LNPEP: variants seen among roughly 807,000 people sequenced by gnomAD.
LNPEP encodes leucyl and cystinyl aminopeptidase, also known as leucyl-cystinyl aminopeptidase.
Under a neutral mutation model 120.6 loss-of-function variants are expected in LNPEP, and 64 were observed. The observed-to-expected ratio is 0.53, with a 90% confidence interval of 0.43 to 0.65. The LOEUF (loss-of-function observed/expected upper bound fraction) is 0.65, where lower values mean the gene tolerates loss of function less well. LNPEP is among the 30% of genes least tolerant of loss of function. The pLI is 0.00. For synonymous variants in LNPEP, 435 were observed against 425.4 expected (o/e 1.02, Z -0.28); for missense variants, 1,057 against 1,200.0 (o/e 0.88, Z 1.76).
At chr5:96,956,300 T>A (rs4869317) in intron 1 of LNPEP, among the ~76,000 whole-genome samples, 34,082 of 152,210 alleles carry the variant, frequency 0.22, 4,368 homozygotes, top group Middle Eastern at 0.37. Context: ...GAGTTTTTTT[T>A]ATTAAGAAAT....
Position 96,993,998 on chromosome 5 carries a change from TCA to T in LNPEP, c.1407+31_1407+32del, listed in dbSNP as rs765373577. 8.7e-6 allele frequency: 14 copies of T among 1,606,296 alleles called. No homozygotes were observed. In the Admixed American group the frequency reaches 1.0e-4, roughly 12 times the overall value. On this transcript the variant is annotated intron_variant, in intron 6 of 17. Transcript: ENST00000231368. ...TATTAGCAACCAAGGCTGTTCTGTG[TCA>T]CACCTGTGGTCTACTTCATGTCCTG...
intron 1 of LNPEP, among the ~76,000 whole-genome samples, chr5:96,951,239 G>T (rs959939607): frequency 2.7e-5 from 4 of 149,800 alleles, no homozygotes; most frequent in Non-Finnish European, 5.9e-5. Context: ...TCACAATGGG[G>T]GTTAGTGCTT....
At position 97,036,560 on chromosome 5, in the gene LNPEP, G is replaced by A. The variant is rs922925785; in HGVS notation, c.*8027G>A. ...AAAACTCCACATTTGTCTGCATCAG[G>A]GAAAATGCATGGGCACACATCCTCC... On this transcript the variant is annotated 3_prime_UTR_variant, in exon 18 of 18. Transcript: ENST00000231368. The A allele has an allele frequency of 6.6e-6, 1 of 151,992 alleles. No individual in the cohort carries two copies. Among genetic ancestry groups the A allele is most frequent in the Non-Finnish European group, 1.5e-5 (1 of 67,982 alleles). 9.4% of individuals were successfully genotyped at this position (151,992 alleles called of 1,614,324 possible).
In LNPEP at chr5:97,026,700, C is replaced by G; in HGVS notation, c.2807C>G (p.Pro936Arg). 2 of 1,613,334 alleles carry G rather than the reference C, an allele frequency of 1.2e-6. No homozygotes were observed. The highest frequency in any genetic ancestry group is 1.7e-6 in the Non-Finnish European group (2 of 1,179,308). The change falls in exon 16 of 18, where the codon CCT becomes CGT. Residue 936 changes from proline (P) to arginine (R), a missense_variant. Pro to Arg is a moderately radical substitution (Grantham distance 103, BLOSUM62 -2). Coordinates refer to ENST00000231368, the MANE Select transcript of LNPEP (RefSeq NM_005575.3). ...ATTAGAACAGTGGGTCGACATTTTC[C>G]TGGACACTTACTGGCATGGGATTTT... ...FIIRTVGRHFPGHLLAWDFVK... is the reference protein window; with the variant it reads ...FIIRTVGRHFRGHLLAWDFVK...
chr5:96,984,495 G>T (rs1790196601), intron 2 of LNPEP, among the ~76,000 whole-genome samples: 2 of 152,078 alleles, frequency 1.3e-5, no homozygotes, highest in Admixed American at 6.6e-5. Flanking sequence ...GTTTGTGGAG[G>T]CCTGGGGAGT....
At chr5:97,019,669 C>T (rs529576139) in intron 13 of LNPEP, among the ~76,000 whole-genome samples, 1 of 152,150 alleles carries the variant, frequency 6.6e-6, no homozygotes, top group Non-Finnish European at 1.5e-5. Flanking sequence ...GCCATTCTTT[C>T]CATTGCTGCC....
At chr5:96,990,987 GA>G (rs1431653219) in intron 4 of LNPEP, among the ~76,000 whole-genome samples, 1 of 152,104 alleles carries the variant, frequency 6.6e-6, no homozygotes, top group Non-Finnish European at 1.5e-5. Context: ...GGTGATTTCT[GA>G]GATTTTGGTG....
chr5:96,950,250 ATCT>A (rs1287655674), intron 1 of LNPEP, among the ~76,000 whole-genome samples: 13 of 152,300 alleles, frequency 8.5e-5, no homozygotes, highest in Non-Finnish European at 7.4e-5. Flanking sequence ...TTCTTCTTTC[ATCT>A]TCTTATTTCA....
chr5:96,986,000 T>C (rs1790234349), intron 3 of LNPEP, among the ~76,000 whole-genome samples: 1 of 152,168 alleles, frequency 6.6e-6, no homozygotes, highest in African/African-American at 2.4e-5. Flanking sequence ...TAATTTGTGG[T>C]TGGAAAATTC....
chr5:97,037,354 T>C lies in LNPEP; in HGVS notation c.*8821T>C, dbSNP rs1222917475. On this transcript the variant is annotated 3_prime_UTR_variant, in exon 18 of 18. Transcript: ENST00000231368. The stretch of plus-strand genomic sequence containing the variant: ...AAATATGTATATATAATATTGTATA[T>C]GCAAATTGTGTTGTTTCACTTGTAA... The C allele has an allele frequency of 1.3e-5, 2 of 152,210 alleles. No individual in the cohort carries two copies. Among genetic ancestry groups the C allele is most frequent in the Non-Finnish European group, 2.9e-5 (2 of 68,028 alleles). 9.4% of individuals were successfully genotyped at this position (152,210 alleles called of 1,614,324 possible).
chr5:97,006,360 C>A lies in LNPEP; in HGVS notation c.1947-67C>A, dbSNP rs536930460. On this transcript the variant is annotated intron_variant, in intron 10 of 17. Transcript: ENST00000231368. The stretch of plus-strand genomic sequence containing the variant: ...TATCCCTTCCTAGGAATAGCTTAAC[C>A]TTCCTACCAAATTAAAAAAAAAAAA... 9.6e-6 allele frequency: 12 copies of A among 1,245,788 alleles called. No individual in the cohort carries two copies. The Admixed American group carries it at 2.3e-4, about 23-fold the overall frequency. 77.2% of individuals were successfully genotyped at this position (1,245,788 alleles called of 1,614,324 possible). A position where few individuals can be genotyped will look rare whatever the true frequency, so the allele number is the denominator to read the frequency against.
intron 1 of LNPEP, among the ~76,000 whole-genome samples, chr5:96,953,491 G>C (rs370069104): frequency 6.6e-6 from 1 of 152,108 alleles, no homozygotes; most frequent in South Asian, 2.1e-4. Context: ...CTTCTCCCAC[G>C]TTTCTCAGAA....
chr5:96,943,422 G>C (rs1174764468), intron 1 of LNPEP, among the ~76,000 whole-genome samples: 2 of 152,138 alleles, frequency 1.3e-5, no homozygotes, highest in African/African-American at 4.8e-5. Context: ...GAGTAACTGG[G>C]ACCACAGGTG....
At chr5:97,018,383 A>T (rs982082731) in intron 13 of LNPEP, among the ~76,000 whole-genome samples, 1 of 152,004 alleles carries the variant, frequency 6.6e-6, no homozygotes, top group Non-Finnish European at 1.5e-5. Context: ...CTGCATCTTC[A>T]TCCCAGATGA....
intron 2 of LNPEP, 74 bp downstream of exon 2, chr5:96,980,052 C>T: frequency 7.3e-7 from 1 of 1,368,352 alleles, no homozygotes; most frequent in South Asian, 1.5e-5. Flanking sequence ...TTGTCCACAC[C>T]AGAGACACGA....
chr5:96,979,824 G>C lies in LNPEP; in HGVS notation c.706G>C (p.Glu236Gln). Residue 236 changes from glutamate to glutamine, a missense_variant, in exon 2 of 18, where the codon GAA (glutamate) becomes CAA (glutamine). Coordinates refer to ENST00000231368, the MANE Select transcript of LNPEP (RefSeq NM_005575.3). ...CCAAGAAAAACAAGCTGAGATCCTG[G>C]AATATGCATATCATGGACAGATCGC... is the stretch of plus-strand genomic sequence containing the variant. ...SSQEKQAEILEYAYHGQIAIV... is the reference protein window; with the variant it reads ...SSQEKQAEILQYAYHGQIAIV... The C allele has an allele frequency of 1.2e-6, 2 of 1,614,002 alleles. No individual in the cohort carries two copies. Among genetic ancestry groups the C allele is most frequent in the South Asian group, 1.1e-5 (1 of 91,078 alleles).
chr5:96,951,384 A>G (rs1039722260), intron 1 of LNPEP, among the ~76,000 whole-genome samples: 1 of 151,974 alleles, frequency 6.6e-6, no homozygotes, highest in Non-Finnish European at 1.5e-5. Flanking sequence ...TCAGCCTCCC[A>G]AGTAGCTGGG....
intron 1 of LNPEP, among the ~76,000 whole-genome samples, chr5:96,965,336 A>T (rs1350341333): frequency 6.6e-6 from 1 of 151,660 alleles, no homozygotes; most frequent in Admixed American, 6.6e-5. Flanking sequence ...AAAAAAAAAA[A>T]GTAGATTGAG....
At chr5:97,004,562 G>T (rs1790734151) in intron 9 of LNPEP, among the ~76,000 whole-genome samples, 1 of 151,176 alleles carries the variant, frequency 6.6e-6, no homozygotes, top group African/African-American at 2.4e-5. Flanking sequence ...GAAATTTGAT[G>T]AAAGTTCTGG....
Sources: allele counts gnomAD v4.1 joint callset (sites outside exome capture counted in the v4.1 genomes callset), GRCh38; gene constraint gnomAD v4.1.1; transcripts MANE v1.5; gene names NCBI Gene and HGNC (gene_info 2026-07-23, HGNC 2026-07-21).